Variants in ALK observed in about 807,000 individuals in gnomAD.
ALK encodes the protein ALK tyrosine kinase receptor.
ALK carries 74 observed loss-of-function variants against 163.1 expected under a neutral mutation model. The observed-to-expected ratio is 0.45, with a 90% CI of 0.38 to 0.55. The LOEUF (loss-of-function observed/expected upper bound fraction) is 0.55, where lower values mean the gene tolerates loss of function less well. Among genes scored for constraint, ALK ranks in the 20% least tolerant of loss-of-function variants. The probability of loss-of-function intolerance (pLI) is 0.00; values close to 1 mark genes in which losing one functional copy is unlikely to be tolerated. For synonymous variants in ALK, 960 were observed against 843.2 expected (o/e 1.14, Z -2.40); for missense variants, 2,063 against 2,105.3 (o/e 0.98, Z 0.39).
At chr2:29,757,791 T>C (rs751465075) in intron 1 of ALK, among the ~76,000 whole-genome samples, 3 of 152,126 alleles carry the variant, frequency 2.0e-5, no homozygotes, top group Non-Finnish European at 4.4e-5. Flanking sequence ...TATTCTGGTT[T>C]GGTTTTGGTT....
At chr2:29,235,817 A>G (rs1454919588) in intron 13 of ALK, among the ~76,000 whole-genome samples, 1 of 141,248 alleles carries the variant, frequency 7.1e-6, no homozygotes, top group Non-Finnish European at 1.5e-5. Flanking sequence ...CTTAGTCTCC[A>G]GAGTAGCTGG....
At chr2:29,420,249 GT>G (rs1669985176) in intron 4 of ALK, among the ~76,000 whole-genome samples, 1 of 150,970 alleles carries the variant, frequency 6.6e-6, no homozygotes, top group Non-Finnish European at 1.5e-5. Context: ...GAACAATTAG[GT>G]TCAGATCTTC....
intron 4 of ALK, among the ~76,000 whole-genome samples, chr2:29,392,582 G>T (rs1353550095): frequency 6.6e-6 from 1 of 152,120 alleles, no homozygotes; most frequent in Non-Finnish European, 1.5e-5. Context: ...CTTGTTGGGG[G>T]CTGATGTCCA....
intron 22 of ALK, among the ~76,000 whole-genome samples, chr2:29,222,083 G>T (rs934636191): frequency 6.6e-6 from 1 of 152,190 alleles, no homozygotes; most frequent in Non-Finnish European, 1.5e-5. Context: ...AGAACCAGTG[G>T]ATAACAGCAG....
chr2:29,217,186 CAT>C (rs1669660303), intron 23 of ALK, among the ~76,000 whole-genome samples: 1 of 145,590 alleles, frequency 6.9e-6, no homozygotes, highest in South Asian at 2.2e-4. Context: ...GTGTTGTGTA[CAT>C]GTGTGGTGTT....
intron 2 of ALK, among the ~76,000 whole-genome samples, chr2:29,703,164 G>T (rs1176498738): frequency 6.6e-6 from 1 of 152,184 alleles, no homozygotes; most frequent in African/African-American, 2.4e-5. Flanking sequence ...ATGACAATAT[G>T]ATTGTGATTT....
intron 7 of ALK, 45 bp downstream of exon 7, chr2:29,320,706 G>A (rs906347203): frequency 1.2e-6 from 2 of 1,611,612 alleles, no homozygotes; most frequent in Non-Finnish European, 1.7e-6. Flanking sequence ...TGTCTATGTG[G>A]GCATGAAGAT....
At chr2:29,297,367 T>C (rs1558658569) in intron 8 of ALK, among the ~76,000 whole-genome samples, 1 of 152,242 alleles carries the variant, frequency 6.6e-6, no homozygotes, top group Non-Finnish European at 1.5e-5. Flanking sequence ...TGTAAGGTGA[T>C]ATCAAGATCA....
At chr2:29,551,504 G>C (rs1289848574) in intron 3 of ALK, among the ~76,000 whole-genome samples, 3 of 152,058 alleles carry the variant, frequency 2.0e-5, no homozygotes, top group South Asian at 2.1e-4. Flanking sequence ...TAGAGGGTTA[G>C]GTGACCTCCC....
At chr2:29,867,562 C>A (rs537819713) in intron 1 of ALK, among the ~76,000 whole-genome samples, 1 of 152,252 alleles carries the variant, frequency 6.6e-6, no homozygotes, top group South Asian at 2.1e-4. Flanking sequence ...TTACAACTGC[C>A]TCATAACTTG....
intron 3 of ALK, among the ~76,000 whole-genome samples, chr2:29,536,578 G>A (rs751172120): frequency 1.3e-5 from 2 of 152,126 alleles, no homozygotes; most frequent in Admixed American, 6.5e-5. Context: ...GACTAATACA[G>A]AAAATTGGCA....
intron 1 of ALK, among the ~76,000 whole-genome samples, chr2:29,864,534 A>G (rs887212071): frequency 1.3e-5 from 2 of 152,216 alleles, no homozygotes; most frequent in Non-Finnish European, 2.9e-5. Context: ...ACCAAGAATC[A>G]CATCTTTCTC....
Position 29,320,602 on chromosome 2 carries a change from G to A in ALK, c.1546+149C>T, listed in dbSNP as rs534012041. 217 of 1,083,664 alleles carry A rather than the reference G, an allele frequency of 2.0e-4. 1 individual carries two copies. Among genetic ancestry groups the A allele is most frequent in the Admixed American group, 3.9e-4 (23 of 59,106 alleles). The allele number at this position is 1,083,664 out of a possible 1,614,324, so 67.1% of individuals were successfully genotyped here. On this transcript the variant is annotated intron_variant, in intron 7 of 28. Coordinates refer to ENST00000389048, the MANE Select transcript of ALK (RefSeq NM_004304.5). ...ATCACTCGAAAGCCCAAGGTGTGAA[G>A]AGGGAATTGTGTGTGAACGCTCTAG...
intron 1 of ALK, among the ~76,000 whole-genome samples, chr2:29,722,775 T>A (rs1163663198): frequency 6.6e-6 from 1 of 152,164 alleles, no homozygotes; most frequent in East Asian, 1.9e-4. Flanking sequence ...ATCTCCACTT[T>A]ATTGCCCAAT....
At chr2:29,772,235 C>G (rs747671164) in intron 1 of ALK, among the ~76,000 whole-genome samples, 1 of 152,038 alleles carries the variant, frequency 6.6e-6, no homozygotes, top group Admixed American at 6.6e-5. Flanking sequence ...TCAGAGGAAA[C>G]TAAGCTAATA....
intron 1 of ALK, among the ~76,000 whole-genome samples, chr2:29,831,162 GAGAAGA>G (rs1158424731): frequency 2.4e-5 from 1 of 42,324 alleles, no homozygotes; most frequent in African/African-American, 8.8e-5. Flanking sequence ...GGGGAAGAAG[GAGAAGA>G]GGAAGAGGAA....
intron 3 of ALK, among the ~76,000 whole-genome samples, chr2:29,642,873 A>T (rs1676744382): frequency 1.3e-5 from 2 of 152,218 alleles, no homozygotes; most frequent in Admixed American, 1.3e-4. Context: ...TTGTTTCAGT[A>T]ACTATCATTT....
At chr2:29,333,737 C>T (rs571363024) in intron 5 of ALK, among the ~76,000 whole-genome samples, 1 of 152,278 alleles carries the variant, frequency 6.6e-6, no homozygotes, top group African/African-American at 2.4e-5. Context: ...CCACCTCAGC[C>T]TTTTAAATAG....
chr2:29,477,048 C>T (rs1317000249), intron 4 of ALK, among the ~76,000 whole-genome samples: 1 of 152,076 alleles, frequency 6.6e-6, no homozygotes, highest in African/African-American at 2.4e-5. Context: ...CAGATGTAGA[C>T]TAGGGACACC....
Sources: gnomAD v4.1 joint callset for allele counts (sites outside exome capture counted in the v4.1 genomes callset) on GRCh38, gnomAD v4.1.1 for gene constraint, MANE v1.5 for transcripts, NCBI Gene and HGNC (gene_info 2026-07-23, HGNC 2026-07-21) for gene names.